The following PAQR5 variants were observed in gnomAD, a reference collection of about 807,000 sequenced individuals.
PAQR5 encodes membrane progestin receptor gamma.
Under a neutral mutation model 34.5 loss-of-function variants are expected in PAQR5, and 20 were observed. The ratio of observed to expected loss-of-function variants is 0.58; its 90% CI spans 0.41 to 0.84. The LOEUF (loss-of-function observed/expected upper bound fraction) is 0.84. Among genes scored for constraint, PAQR5 ranks in the 40% least tolerant of loss-of-function variants. The pLI is 0.00. For synonymous variants in PAQR5, 131 were observed against 155.6 expected (o/e 0.84, Z 1.18); for missense variants, 378 against 412.7 (o/e 0.92, Z 0.73).
chr15:69,339,863 A>G (rs942095429), intron 2 of PAQR5, among the ~76,000 whole-genome samples: 8 of 152,208 alleles, frequency 5.3e-5, no homozygotes, highest in African/African-American at 1.9e-4. Context: ...GTGACCTGTG[A>G]CATTAACACC....
intron 3 of PAQR5, among the ~76,000 whole-genome samples, chr15:69,368,462 A>AAC (rs1162325741): frequency 5.3e-5 from 8 of 152,240 alleles, no homozygotes; most frequent in African/African-American, 1.9e-4. Context: ...ATATTTGGTG[A>AAC]ACACCAACTG....
chr15:69,399,998 G>A lies in PAQR5; in HGVS notation c.634G>A (p.Ala212Thr), dbSNP rs757260519. 5 of 1,614,104 alleles carry A rather than the reference G, an allele frequency of 3.1e-6. No individual in the cohort carries two copies. In the South Asian group the frequency reaches 5.5e-5, roughly 18 times the overall value. The change falls in exon 8 of 9, where the codon GCA becomes ACA. Residue 212 changes from alanine (A) to threonine (T), a missense_variant. Transcript: ENST00000395407. ...GCTATTCCTGTTCCCAGGGGAGAGT[G>A]CACAAAATGAAGCCACCTCGTACCA... Reference protein sequence around the residue: ...YRLFLFPGESAQNEATSYHQK... With the variant: ...YRLFLFPGESTQNEATSYHQK...
chr15:69,299,772 G>A (rs994587182), intron 1 of PAQR5, among the ~76,000 whole-genome samples: 2 of 152,174 alleles, frequency 1.3e-5, no homozygotes, highest in Admixed American at 1.3e-4. Context: ...AGCAGAACCG[G>A]CTTCCTCCCG....
In PAQR5 at chr15:69,334,423, T is replaced by C. The variant is rs573605738; in HGVS notation, c.-276-2918T>C. Among the ~76,000 whole-genome samples the C allele has an allele frequency of 4.6e-5, 7 of 152,376 alleles. No homozygotes were observed. The South Asian group carries it at 1.2e-3, about 27-fold the overall frequency. On this transcript the variant is annotated intron_variant, in intron 1 of 8. Transcript: ENST00000395407. ...AAATAAGGTCAGGTATCAGATTTGC[T>C]AAATGCTTTAAGGTCAAACTGTTTC... is the stretch of plus-strand genomic sequence containing the variant.
At position 69,397,141 on chromosome 15, in the gene PAQR5, G is replaced by GT. The variant is rs1567042538; in HGVS notation, c.513-323dup. The GT allele has an allele frequency of 1.3e-5, 6 of 474,172 alleles. No homozygotes were observed. In the Admixed American group the frequency reaches 1.4e-4, roughly 11 times the overall value. The allele number at this position is 474,172 out of a possible 1,614,324, so 29.4% of individuals were successfully genotyped here. On this transcript the variant is annotated intron_variant, in intron 6 of 8. Transcript: ENST00000395407. The stretch of plus-strand genomic sequence containing the variant: ...GTTCCCTGTCCCTGTAGCAACTAGA[G>GT]TTTTAAAAGGTTCTTTGGCAGTTAC...
chr15:69,342,134 T>C (rs2054658910), intron 2 of PAQR5, among the ~76,000 whole-genome samples: 1 of 152,104 alleles, frequency 6.6e-6, no homozygotes, highest in African/African-American at 2.4e-5. Context: ...ACCTTCTGTG[T>C]TTTTTGTTTT....
intron 2 of PAQR5, among the ~76,000 whole-genome samples, chr15:69,346,798 T>TTTTA (rs140135490): frequency 6.8e-6 from 1 of 147,794 alleles, no homozygotes; most frequent in African/African-American, 2.5e-5. Flanking sequence ...ATTTTTGTAT[T>TTTTA]TTTATTTATT....
At chr15:69,386,636 G>A (rs1390084022) in intron 5 of PAQR5, among the ~76,000 whole-genome samples, 1 of 140,554 alleles carries the variant, frequency 7.1e-6, no homozygotes, top group African/African-American at 2.7e-5. Context: ...CCCCTCCCCT[G>A]GGCTGGCTCC....
At chr15:69,323,785 C>T (rs1278917246) in intron 1 of PAQR5, among the ~76,000 whole-genome samples, 1 of 148,522 alleles carries the variant, frequency 6.7e-6, no homozygotes, top group African/African-American at 2.4e-5. Context: ...AATGAACAGC[C>T]TTCTAAATCT....
At chr15:69,368,627 A>G (rs2055468603) in intron 3 of PAQR5, among the ~76,000 whole-genome samples, 1 of 152,016 alleles carries the variant, frequency 6.6e-6, no homozygotes, top group South Asian at 2.1e-4. Context: ...TTTTCTATCT[A>G]TTACTCTCTC....
At chr15:69,376,894 A>T (rs2055722222) in intron 3 of PAQR5, among the ~76,000 whole-genome samples, 1 of 152,006 alleles carries the variant, frequency 6.6e-6, no homozygotes, top group Middle Eastern at 3.2e-3. Context: ...CCACAGAGAG[A>T]AGGGAAGTAG....
At chr15:69,391,676 C>T (rs1458165912) in intron 6 of PAQR5, 10 of 455,846 alleles carry the variant, frequency 2.2e-5, no homozygotes, top group Admixed American at 4.7e-5. Flanking sequence ...GTGGCTCTGG[C>T]GTTTGAAATT....
At chr15:69,305,158 G>A (rs1034470870) in intron 1 of PAQR5, among the ~76,000 whole-genome samples, 2 of 152,276 alleles carry the variant, frequency 1.3e-5, no homozygotes, top group East Asian at 1.9e-4. Context: ...TGGGAAGTTA[G>A]CAGTAGCCCT....
intron 1 of PAQR5, among the ~76,000 whole-genome samples, chr15:69,328,643 G>T (rs374610456): frequency 1.9e-4 from 29 of 152,272 alleles, no homozygotes; most frequent in African/African-American, 6.7e-4. Flanking sequence ...TGGGGGTGGG[G>T]GTGGCCATTA....
chr15:69,397,962 G>A (rs1308128361), intron 7 of PAQR5, among the ~76,000 whole-genome samples: 1 of 152,188 alleles, frequency 6.6e-6, no homozygotes, highest in African/African-American at 2.4e-5. Flanking sequence ...GAACGTCATA[G>A]AACAGGCAGC....
intron 3 of PAQR5, among the ~76,000 whole-genome samples, chr15:69,370,499 C>G (rs1486008385): frequency 6.6e-6 from 1 of 152,058 alleles, no homozygotes; most frequent in African/African-American, 2.4e-5. Context: ...AACAAATCCC[C>G]CTTTATTTTA....
chr15:69,321,278 T>C (rs1595848616), intron 1 of PAQR5, among the ~76,000 whole-genome samples: 1 of 152,370 alleles, frequency 6.6e-6, no homozygotes, highest in East Asian at 1.9e-4. Context: ...TGTTATTCTC[T>C]CATTTTCAAA....
intron 2 of PAQR5, among the ~76,000 whole-genome samples, chr15:69,357,720 A>T (rs191038412): frequency 2.6e-5 from 4 of 152,238 alleles, no homozygotes; most frequent in African/African-American, 9.6e-5. Context: ...ACGACGGTGA[A>T]ATAAACAGAT....
At chr15:69,315,768 C>G (rs542106648) in intron 1 of PAQR5, among the ~76,000 whole-genome samples, 1 of 152,170 alleles carries the variant, frequency 6.6e-6, no homozygotes, top group African/African-American at 2.4e-5. Context: ...TGAATCATTT[C>G]CCATGACAAG....
Sources: gnomAD v4.1 joint callset for allele counts (sites outside exome capture counted in the v4.1 genomes callset) on GRCh38, gnomAD v4.1.1 for gene constraint, MANE v1.5 for transcripts, NCBI Gene and HGNC (gene_info 2026-07-23, HGNC 2026-07-21) for gene names.